PROK2: variants seen among roughly 807,000 people sequenced by gnomAD.
PROK2 encodes the protein prokineticin 2, also known as prokineticin-2.
In PROK2, 8 loss-of-function variants were observed where a neutral mutation model predicts 14.2. That is an observed-to-expected ratio of 0.56 (90% CI 0.33 to 1.02). The LOEUF (loss-of-function observed/expected upper bound fraction) is 1.02. Among genes scored for constraint, PROK2 ranks in the 50% least tolerant of loss-of-function variants. The pLI, the probability that PROK2 is intolerant of heterozygous loss-of-function variation, is 0.03. For missense variants in PROK2, 154 were observed against 160.4 expected, an observed-to-expected ratio of 0.96 and a Z score of 0.22; for synonymous variants, 59 against 60.7, an observed-to-expected ratio of 0.97 and a Z score of 0.13.
Position 71,773,367 on chromosome 3 carries a change from G to T in PROK2, c.286-539C>A, listed in dbSNP as rs544817707. Among the ~76,000 whole-genome samples the T allele has an allele frequency of 5.9e-5, 9 of 152,250 alleles. No homozygotes were observed. In the East Asian group the frequency reaches 1.7e-3, roughly 29 times the overall value. On this transcript the variant is annotated intron_variant, in intron 3 of 3. Coordinates refer to ENST00000295619, the MANE Select transcript of PROK2 (RefSeq NM_001126128.2). The stretch of plus-strand genomic sequence containing the variant: ...GCACTTTAATTGTACCCATTTTACC[G>T]ATGAGAGAATGAGGCAAAGAGAGAC...
intron 2 of PROK2, among the ~76,000 whole-genome samples, chr3:71,778,279 T>C (rs928096940): frequency 6.6e-6 from 1 of 152,156 alleles, no homozygotes; most frequent in Non-Finnish European, 1.5e-5. Context: ...TTATTTGCTT[T>C]AAAATGTATT....
In PROK2 at chr3:71,781,480, G is replaced by A. The variant is rs1301833544; in HGVS notation, c.209C>T (p.Pro70Leu). Reference protein sequence around the residue: ...PMGKLGDSCHPLTRKNNFGNG... With the variant: ...PMGKLGDSCHLLTRKNNFGNG... Reference sequence around the variant, plus strand: ...ATATATACTAACTTTACGAGTCAGTGGATGGCAGCTGTCTCCCAGTTTGCC... The same window carrying A: ...ATATATACTAACTTTACGAGTCAGTAGATGGCAGCTGTCTCCCAGTTTGCC... Residue 70 changes from proline (P) to leucine (L), a missense_variant, in exon 2 of 4, where the codon CCA becomes CTA. Coordinates refer to ENST00000295619, the MANE Select transcript of PROK2 (RefSeq NM_001126128.2). The A allele has an allele frequency of 1.9e-6, 3 of 1,614,028 alleles. No homozygotes were observed. Among genetic ancestry groups the A allele is most frequent in the Non-Finnish European group, 1.7e-6 (2 of 1,179,936 alleles).
At chr3:71,777,486 T>C (rs751841259) in intron 2 of PROK2, among the ~76,000 whole-genome samples, 12 of 152,284 alleles carry the variant, frequency 7.9e-5, no homozygotes, top group African/African-American at 2.2e-4. Context: ...AAACCACTAA[T>C]AATTTTTTAA....
chr3:71,774,312 G>A, intron 3 of PROK2, 133 bp downstream of exon 3: 4 of 1,474,280 alleles, frequency 2.7e-6, no homozygotes, highest in Non-Finnish European at 3.6e-6. Flanking sequence ...TCTACAGATA[G>A]TGGCAGAACC....
At chr3:71,783,474 T>C (rs1241400522) in intron 1 of PROK2, among the ~76,000 whole-genome samples, 1 of 152,238 alleles carries the variant, frequency 6.6e-6, no homozygotes, top group Non-Finnish European at 1.5e-5. Flanking sequence ...TGATAAAATT[T>C]TATTTTGTAA....
chr3:71,784,379 C>CG (rs1195041208), intron 1 of PROK2, among the ~76,000 whole-genome samples: 2 of 152,190 alleles, frequency 1.3e-5, no homozygotes. Context: ...ACCCTGAGCG[C>CG]GGGGGAAAGC....
intron 2 of PROK2, among the ~76,000 whole-genome samples, chr3:71,776,364 A>C (rs112555918): frequency 1.3e-5 from 1 of 75,436 alleles, no homozygotes. Flanking sequence ...TTCGCTTTTC[A>C]TTTTTTTTTT....
At chr3:71,782,667 A>G (rs1212187793) in intron 1 of PROK2, among the ~76,000 whole-genome samples, 1 of 152,218 alleles carries the variant, frequency 6.6e-6, no homozygotes, top group Non-Finnish European at 1.5e-5. Context: ...TCTAGGCACA[A>G]ATTTAAATGT....
At chr3:71,773,074 TG>T (rs2050092953) in intron 3 of PROK2, among the ~76,000 whole-genome samples, 1 of 152,202 alleles carries the variant, frequency 6.6e-6, no homozygotes, top group Non-Finnish European at 1.5e-5. Context: ...CCACCTCCCG[TG>T]TTCAAGCGAT....
In PROK2 at chr3:71,772,652, T is replaced by C. The variant is rs2050088879; in HGVS notation, c.*72A>G. On this transcript the variant is annotated 3_prime_UTR_variant, in exon 4 of 4. Coordinates refer to ENST00000295619, the MANE Select transcript of PROK2 (RefSeq NM_001126128.2). Reference sequence around the variant, plus strand: ...GCATTTCTTTCTGGCACATTTTTTGTTTGGCACAATCACAAGTAAGACTTT... The same window carrying C: ...GCATTTCTTTCTGGCACATTTTTTGCTTGGCACAATCACAAGTAAGACTTT... 1 of 1,358,618 alleles carries C rather than the reference T, an allele frequency of 7.4e-7. No individual in the cohort carries two copies. Among genetic ancestry groups the C allele is most frequent in the South Asian group, 1.2e-5 (1 of 84,236 alleles). 84.2% of individuals were successfully genotyped at this position (1,358,618 alleles called of 1,614,324 possible).
At chr3:71,775,872 G>A (rs1382148430) in intron 2 of PROK2, among the ~76,000 whole-genome samples, 1 of 152,096 alleles carries the variant, frequency 6.6e-6, no homozygotes, top group Admixed American at 6.6e-5. Flanking sequence ...CCAATCAAAT[G>A]CCCTGCAATG....
rs1231843524 is a variant in PROK2, at chr3:71,785,115, G to A, written c.-63C>T. On this transcript the variant is annotated 5_prime_UTR_variant, in exon 1 of 4. Transcript: ENST00000295619. The stretch of plus-strand genomic sequence containing the variant: ...GGGGCGCGGGGCCCGGGTGCGCTGG[G>A]TGGAGCGCGGAGCGGCGGGCGGACG... The A allele has an allele frequency of 9.2e-7, 1 of 1,089,146 alleles. No homozygotes were observed. The highest frequency in any genetic ancestry group is 4.4e-5 in the Admixed American group (1 of 22,726). 67.5% of individuals were successfully genotyped at this position (1,089,146 alleles called of 1,614,324 possible).
intron 2 of PROK2, among the ~76,000 whole-genome samples, chr3:71,775,123 C>G (rs1324885004): frequency 6.6e-6 from 1 of 152,120 alleles, no homozygotes; most frequent in Admixed American, 6.6e-5. Context: ...AATTATCTGG[C>G]CCAAGACATC....
rs1318925433 is a variant in PROK2, at chr3:71,781,604, TAAAC to T, written c.97-16_97-13del. 8 of 1,607,884 alleles carry T rather than the reference TAAAC, an allele frequency of 5.0e-6. No individual in the cohort carries two copies. The highest frequency in any genetic ancestry group is 1.1e-5 in the South Asian group (1 of 90,948). On this transcript the variant is annotated splice_polypyrimidine_tract_variant and intron_variant, in intron 1 of 3. Transcript: ENST00000295619. ...TCCTTGTCACAAGCCTGAAATGTAA[TAAAC>T]AAACAGATAAATATAGATAACAGGA...
chr3:71,778,539 G>A (rs915488574), intron 2 of PROK2, among the ~76,000 whole-genome samples: 6 of 151,546 alleles, frequency 4.0e-5, no homozygotes, highest in Admixed American at 6.6e-5. Flanking sequence ...CCAAATAAAC[G>A]GATTTTCGGT....
At chr3:71,781,412 C>A in intron 2 of PROK2, 55 bp downstream of exon 2, 2 of 1,593,548 alleles carry the variant, frequency 1.3e-6, no homozygotes, top group Admixed American at 3.3e-5. Context: ...CATACAGACC[C>A]TGCTCAGAGT....
intron 1 of PROK2, among the ~76,000 whole-genome samples, chr3:71,782,067 CAG>C (rs957451130): frequency 9.9e-5 from 15 of 152,284 alleles, no homozygotes; most frequent in African/African-American, 3.6e-4. Context: ...TGAAACACTC[CAG>C]ACCCATAAAG....
intron 1 of PROK2, among the ~76,000 whole-genome samples, chr3:71,783,037 C>G (rs2050171620): frequency 1.3e-5 from 2 of 152,148 alleles, no homozygotes; most frequent in South Asian, 4.1e-4. Flanking sequence ...ATAGTTTTAA[C>G]AAATCTATGT....
intron 1 of PROK2, among the ~76,000 whole-genome samples, chr3:71,784,728 G>A (rs2050197846): frequency 6.6e-6 from 1 of 152,242 alleles, no homozygotes; most frequent in Non-Finnish European, 1.5e-5. Context: ...GGTGGTGGGC[G>A]ACATCCTTGT....
Sources: allele counts gnomAD v4.1 joint callset (sites outside exome capture counted in the v4.1 genomes callset), GRCh38; gene constraint gnomAD v4.1.1; transcripts MANE v1.5; gene names NCBI Gene and HGNC (gene_info 2026-07-23, HGNC 2026-07-21).